ERN1: variants seen among roughly 807,000 people sequenced by gnomAD.
ERN1 encodes serine/threonine-protein kinase/endoribonuclease IRE1.
Under a neutral mutation model 113.1 loss-of-function variants are expected in ERN1, and 39 were observed. The observed-to-expected ratio is 0.34, with a 90% CI of 0.27 to 0.45. The LOEUF (loss-of-function observed/expected upper bound fraction) is 0.45, where lower values mean the gene tolerates loss of function less well. ERN1 is among the 20% of genes least tolerant of loss of function. The probability of loss-of-function intolerance (pLI) is 1.00; values close to 1 mark genes in which losing one functional copy is unlikely to be tolerated. For synonymous variants in ERN1, 507 were observed against 515.9 expected (o/e 0.98, Z 0.23); for missense variants, 976 against 1,274.8 (o/e 0.77, Z 3.57).
At chr17:64,090,678 G>C (rs1474214397) in intron 2 of ERN1, among the ~76,000 whole-genome samples, 1 of 152,208 alleles carries the variant, frequency 6.6e-6, no homozygotes, top group African/African-American at 2.4e-5. Context: ...CATCGGAGCT[G>C]AGATCCACGC....
At chr17:64,099,685 C>G (rs117212769) in intron 1 of ERN1, among the ~76,000 whole-genome samples, 1 of 152,142 alleles carries the variant, frequency 6.6e-6, no homozygotes, top group African/African-American at 2.4e-5. Flanking sequence ...CGGCTACTCT[C>G]GGTAAGAGCC....
intron 2 of ERN1, 193 bp downstream of exon 2, chr17:64,097,928 A>G (rs956406752): frequency 1.4e-5 from 9 of 648,146 alleles, no homozygotes; most frequent in African/African-American, 7.3e-5. Flanking sequence ...TAACTGATGC[A>G]CTTAGTGGAT....
intron 1 of ERN1, among the ~76,000 whole-genome samples, chr17:64,110,087 T>C (rs1191138948): frequency 1.3e-5 from 2 of 152,174 alleles, no homozygotes; most frequent in Non-Finnish European, 1.5e-5. Context: ...GAGATCTCAC[T>C]GTACATCTAA....
chr17:64,048,910 C>T, intron 18 of ERN1, 145 bp downstream of exon 18: 1 of 711,348 alleles, frequency 1.4e-6, no homozygotes, highest in East Asian at 3.2e-5. Flanking sequence ...AGATTTGGCA[C>T]AAGTCTGGAG....
intron 1 of ERN1, among the ~76,000 whole-genome samples, chr17:64,107,309 C>CA (rs998739381): frequency 6.6e-5 from 10 of 152,010 alleles, no homozygotes; most frequent in Middle Eastern, 3.4e-3. Context: ...AAGACAGATA[C>CA]AAAAAAAATT....
rs375062771 is a variant in ERN1 at position 64,045,370 on chromosome 17, G to C, written c.2642C>G (p.Pro881Arg). The C allele has an allele frequency of 2.5e-6, 4 of 1,613,846 alleles. No individual in the cohort carries two copies. The highest frequency in any genetic ancestry group is 2.5e-6 in the Non-Finnish European group (3 of 1,179,866). Reference sequence around the variant, plus strand: ...TGCAGCATGATCACCTGTCTGGAGGGGGACAGTGATGTTCTCCCGCCAGTC... The same window carrying C: ...TGCAGCATGATCACCTGTCTGGAGGCGGACAGTGATGTTCTCCCGCCAGTC... ...KMDWRENITV[P>R]LQTDLRKFRT... The change falls in exon 20 of 22, where the codon CCC (proline) becomes CGC (arginine). Residue 881 changes from proline to arginine, a missense_variant. By Grantham distance (103) the Pro-to-Arg change is moderately radical. Transcript: ENST00000433197.
At chr17:64,115,121 T>C (rs1462948803) in intron 1 of ERN1, among the ~76,000 whole-genome samples, 1 of 152,160 alleles carries the variant, frequency 6.6e-6, no homozygotes, top group Non-Finnish European at 1.5e-5. Context: ...GCCAGGACTA[T>C]TTTCATTACA....
chr17:64,049,236 A>G lies in ERN1; in HGVS notation c.2254-34T>C. On this transcript the variant is annotated intron_variant, in intron 17 of 21. Transcript: ENST00000433197. The surrounding 1 kb of genome is among the most constrained non-coding windows in gnomAD (Gnocchi z 4.7). The stretch of plus-strand genomic sequence containing the variant: ...AGACATGAGGCGTGAGAGGTCTGGG[A>G]GCAGAGTTTTCATCCTCACTCACAG... 2 of 1,541,186 alleles carry G rather than the reference A, an allele frequency of 1.3e-6. No homozygotes were observed. The highest frequency in any genetic ancestry group is 1.4e-5 in the African/African-American group (1 of 73,048).
chr17:64,104,055 A>T (rs896042819), intron 1 of ERN1, among the ~76,000 whole-genome samples: 1 of 151,564 alleles, frequency 6.6e-6, no homozygotes, highest in Non-Finnish European at 1.5e-5. Context: ...CCTGTGCAAT[A>T]TAGGGAGACC....
chr17:64,126,931 AG>A (rs1915096273), intron 1 of ERN1, among the ~76,000 whole-genome samples: 1 of 152,148 alleles, frequency 6.6e-6, no homozygotes, highest in African/African-American at 2.4e-5. Flanking sequence ...TTAAAAAAAA[AG>A]GTACTTTGCC....
rs900456945 is a variant in ERN1, at chr17:64,049,999, C to A, written c.2254-797G>T. On this transcript the variant is annotated intron_variant, in intron 17 of 21. Coordinates refer to ENST00000433197, the MANE Select transcript of ERN1 (RefSeq NM_001433.5). The surrounding 1 kb of genome is among the most constrained non-coding windows in gnomAD (Gnocchi z 4.7). ...ATCACCTCCCATGCTGGAGGAGACA[C>A]ACCTTGAACAACACAGCACTCTCAT... 2.6e-5 allele frequency among the ~76,000 whole-genome samples: 4 copies of A among 152,136 alleles called. No homozygotes were observed. Among genetic ancestry groups the A allele is most frequent in the Non-Finnish European group, 5.9e-5 (4 of 68,028 alleles).
intron 11 of ERN1, 136 bp downstream of exon 11, chr17:64,060,333 T>C (rs1434538548): frequency 3.1e-6 from 2 of 645,776 alleles, no homozygotes; most frequent in East Asian, 5.3e-5. Flanking sequence ...CATTTATGTT[T>C]TTTGCTTTGG....
chr17:64,058,051 G>T, intron 11 of ERN1, 58 bp from the exon 12 acceptor site: 1 of 1,326,126 alleles, frequency 7.5e-7, no homozygotes, highest in Non-Finnish European at 1.0e-6. Context: ...TACAGATGAG[G>T]CCAGCAATCA....
intron 12 of ERN1, among the ~76,000 whole-genome samples, chr17:64,056,789 A>G (rs1410335602): frequency 6.6e-6 from 1 of 152,166 alleles, no homozygotes; most frequent in African/African-American, 2.4e-5. Flanking sequence ...CTCAGGGTCT[A>G]CTTCCTTCTT....
chr17:64,056,961 G>C (rs561223806), intron 12 of ERN1, among the ~76,000 whole-genome samples: 2 of 152,130 alleles, frequency 1.3e-5, no homozygotes, highest in Admixed American at 1.3e-4. Flanking sequence ...ACAGCATCTC[G>C]ATGCTCTGAG....
Position 64,090,139 on chromosome 17 carries a change from A to G in ERN1, c.175+7982T>C, listed in dbSNP as rs139388130. Among the ~76,000 whole-genome samples, 626 of 152,310 alleles carry G rather than the reference A, an allele frequency of 4.1e-3. 3 individuals are homozygous for G. Among genetic ancestry groups the G allele is most frequent in the Middle Eastern group, 6.8e-3 (2 of 294 alleles). ...CCAAATTTTAAGACAGAAAGTCTCA[A>G]ACATTCTTTACAGTTCAGCTTTCAT... On this transcript the variant is annotated intron_variant, in intron 2 of 21. Transcript: ENST00000433197.
At position 64,049,271 on chromosome 17, in the gene ERN1, G is replaced by A. The variant is rs2143324099; in HGVS notation, c.2254-69C>T. The stretch of plus-strand genomic sequence containing the variant: ...TCATCCTCACTCACAGTCAGGGAGG[G>A]AGGAGCATTGCTGCTGCTTCTGCCA... On this transcript the variant is annotated intron_variant, in intron 17 of 21. Coordinates refer to ENST00000433197, the MANE Select transcript of ERN1 (RefSeq NM_001433.5). The surrounding 1 kb of genome is among the most constrained non-coding windows in gnomAD (Gnocchi z 4.7). 6.9e-7 allele frequency: 1 copy of A among 1,446,296 alleles called. No homozygotes were observed. Among genetic ancestry groups the A allele is most frequent in the Non-Finnish European group, 9.3e-7 (1 of 1,073,850 alleles). 89.6% of individuals were successfully genotyped at this position (1,446,296 alleles called of 1,614,324 possible). A position where few individuals can be genotyped will look rare whatever the true frequency, so the allele number is the denominator to read the frequency against.
intron 1 of ERN1, among the ~76,000 whole-genome samples, chr17:64,120,777 T>C (rs1415913917): frequency 6.6e-6 from 1 of 152,190 alleles, no homozygotes; most frequent in Non-Finnish European, 1.5e-5. Flanking sequence ...AAAGCTCCTC[T>C]AGTTCTGTAG....
intron 6 of ERN1, 84 bp from the exon 7 acceptor site, chr17:64,068,375 A>G: frequency 1.1e-6 from 1 of 949,410 alleles, no homozygotes; most frequent in East Asian, 2.6e-5. Flanking sequence ...ATTATAACAA[A>G]CAAATCCTCC....
Sources: gnomAD v4.1 joint callset for allele counts (sites outside exome capture counted in the v4.1 genomes callset) on GRCh38, gnomAD v4.1.1 for gene constraint, Gnocchi (gnomAD v3.1) non-coding constraint, MANE v1.5 for transcripts, NCBI Gene and HGNC (gene_info 2026-07-23, HGNC 2026-07-21) for gene names.